WWP2: variants seen among roughly 807,000 people sequenced by gnomAD.
WWP2 encodes NEDD4-like E3 ubiquitin-protein ligase WWP2.
A neutral mutation model predicts 121.0 loss-of-function variants in WWP2; 57 were observed. That is an observed-to-expected ratio of 0.47 (90% CI 0.38 to 0.59). The LOEUF (loss-of-function observed/expected upper bound fraction) is 0.59, where lower values mean the gene tolerates loss of function less well. WWP2 is among the 20% of genes least tolerant of loss of function. The pLI is 0.00. For synonymous variants in WWP2, 449 were observed against 441.3 expected (o/e 1.02, Z -0.22); for missense variants, 962 against 1,158.9 (o/e 0.83, Z 2.47).
chr16:69,841,938 G>T (rs530009447), intron 5 of WWP2, 86 bp from the exon 6 acceptor site: 2 of 1,337,840 alleles, frequency 1.5e-6, no homozygotes, highest in East Asian at 5.0e-5. Flanking sequence ...ACACACAGAC[G>T]GAGTTCTGTT....
chr16:69,778,858 C>T (rs2055598173), intron 1 of WWP2, among the ~76,000 whole-genome samples: 1 of 151,640 alleles, frequency 6.6e-6, no homozygotes. Flanking sequence ...CCAGGCTGGT[C>T]TTGAACTCCT....
chr16:69,931,809 A>G lies in WWP2; in HGVS notation c.1601A>G (p.Asn534Ser). ...GATGCTCTGTCTTCCCAGATCATGA[A>G]CATGAAACCCTATGACCTGCGCCGC... Reference protein sequence around the residue: ...LFEDSFQQIMNMKPYDLRRRL... With the variant: ...LFEDSFQQIMSMKPYDLRRRL... The change falls in exon 16 of 24, where the codon AAC (asparagine) becomes AGC (serine). Residue 534 changes from asparagine to serine, a missense_variant. Physicochemically the swap from Asn to Ser is conservative, Grantham distance 46. Coordinates refer to ENST00000359154, the MANE Select transcript of WWP2 (RefSeq NM_001270454.2). The G allele has an allele frequency of 1.2e-6, 2 of 1,613,718 alleles. No homozygotes were observed. The highest frequency in any genetic ancestry group is 2.2e-5 in the East Asian group (1 of 44,872).
intron 6 of WWP2, among the ~76,000 whole-genome samples, chr16:69,842,828 C>T (rs560280850): frequency 6.6e-6 from 1 of 152,170 alleles, no homozygotes; most frequent in African/African-American, 2.4e-5. Flanking sequence ...TGCCACCATG[C>T]CTGGCTAATT....
At chr16:69,906,217 T>C (rs1343124733) in intron 8 of WWP2, among the ~76,000 whole-genome samples, 2 of 151,936 alleles carry the variant, frequency 1.3e-5, no homozygotes, top group Non-Finnish European at 2.9e-5. Context: ...GGACTACAGG[T>C]GCCTGCCACC....
intron 1 of WWP2, among the ~76,000 whole-genome samples, chr16:69,784,093 T>TTC (rs1438015363): frequency 9.5e-5 from 1 of 10,550 alleles, no homozygotes; most frequent in Non-Finnish European, 4.2e-4. Flanking sequence ...CTTTCTTTCT[T>TTC]TTTTTTTTTT....
At chr16:69,847,609 T>C (rs2057108139) in intron 6 of WWP2, among the ~76,000 whole-genome samples, 1 of 152,000 alleles carries the variant, frequency 6.6e-6, no homozygotes, top group South Asian at 2.1e-4. Context: ...GGTTTCTCCA[T>C]GTTGGTCAGG....
In WWP2 at chr16:69,879,880, G is replaced by A. The variant is rs1350580064; in HGVS notation, c.703+7949G>A. Among the ~76,000 whole-genome samples, 3 of 152,086 alleles carry A rather than the reference G, an allele frequency of 2.0e-5. No individual in the cohort carries two copies. In the East Asian group the frequency reaches 5.8e-4, roughly 29 times the overall value. ...ATTTTATCTTACTTCTGTGAGTATT[G>A]CAGAAAAGGATTTAAGAATTTTAAA... On this transcript the variant is annotated intron_variant, in intron 7 of 23. Coordinates refer to ENST00000359154, the MANE Select transcript of WWP2 (RefSeq NM_001270454.2).
chr16:69,869,799 T>C (rs1227931473), intron 6 of WWP2, among the ~76,000 whole-genome samples: 1 of 152,186 alleles, frequency 6.6e-6, no homozygotes, highest in Non-Finnish European at 1.5e-5. Context: ...CAAATTCTGT[T>C]TCTTACTTTA....
At position 69,880,589 on chromosome 16, in the gene WWP2, A is replaced by T. The variant is rs182741457; in HGVS notation, c.704-7450A>T. On this transcript the variant is annotated intron_variant, in intron 7 of 23. Coordinates refer to ENST00000359154, the MANE Select transcript of WWP2 (RefSeq NM_001270454.2). ...ACACAGTATGGCTTCGTCCATTTTT[A>T]AGTTTTGCTCCTTTTTTCCTCACGT... Among the ~76,000 whole-genome samples the T allele has an allele frequency of 5.0e-3, 762 of 152,232 alleles. 8 individuals are homozygous for T. Among genetic ancestry groups the T allele is most frequent in the Non-Finnish European group, 7.8e-3 (527 of 67,998 alleles).
chr16:69,818,139 G>T (rs1596993436), intron 4 of WWP2, among the ~76,000 whole-genome samples: 1 of 151,874 alleles, frequency 6.6e-6, no homozygotes, highest in East Asian at 1.9e-4. Flanking sequence ...TAGGCAAAGT[G>T]ATTTCTCTTT....
chr16:69,852,357 CCCT>C (rs928036324), intron 6 of WWP2, among the ~76,000 whole-genome samples: 3 of 150,924 alleles, frequency 2.0e-5, no homozygotes, highest in Non-Finnish European at 3.0e-5. Flanking sequence ...GCTTACTGCA[CCCT>C]CCACCTCCTA....
chr16:69,934,239 T>G (rs542225549), intron 17 of WWP2, 110 bp downstream of exon 17: 468 of 1,390,250 alleles, frequency 3.4e-4, no homozygotes, highest in Admixed American at 4.5e-4. Context: ...CTCTGAGACC[T>G]CCAGGAAGGG....
chr16:69,852,851 A>T (rs143613565), intron 6 of WWP2, among the ~76,000 whole-genome samples: 1 of 152,218 alleles, frequency 6.6e-6, no homozygotes, highest in African/African-American at 2.4e-5. Context: ...ATTTATTTTC[A>T]TATTGTCTGT....
intron 6 of WWP2, among the ~76,000 whole-genome samples, chr16:69,868,512 G>A (rs1156955849): frequency 2.0e-5 from 3 of 152,260 alleles, no homozygotes; most frequent in African/African-American, 7.2e-5. Context: ...AGGTCCTGCA[G>A]CTCCCTGAGG....
intron 4 of WWP2, among the ~76,000 whole-genome samples, chr16:69,836,965 T>C (rs1555551896): frequency 6.6e-6 from 1 of 151,062 alleles, no homozygotes. Flanking sequence ...TTTTGGTTGC[T>C]TAGGTTGGAG....
At chr16:69,839,305 A>T (rs1264531143) in intron 4 of WWP2, among the ~76,000 whole-genome samples, 2 of 152,316 alleles carry the variant, frequency 1.3e-5, no homozygotes, top group East Asian at 3.9e-4. Context: ...GCTGGACTGA[A>T]CTGAAGGGAA....
Position 69,925,220 on chromosome 16 carries a change from AG to A in WWP2, c.1180-207del. 7.0e-7 allele frequency: 1 copy of A among 1,424,718 alleles called. No individual in the cohort carries two copies. The highest frequency in any genetic ancestry group is 9.2e-7 in the Non-Finnish European group (1 of 1,090,196). 88.3% of individuals were successfully genotyped at this position (1,424,718 alleles called of 1,614,324 possible). Reference sequence around the variant, plus strand: ...AAACTCACTTGGGCCCTCCGTGCGCAGGGTTCTTTTTTGGTTTTTCTGTAAA... The same window carrying A: ...AAACTCACTTGGGCCCTCCGTGCGCAGGTTCTTTTTTGGTTTTTCTGTAAA... On this transcript the variant is annotated intron_variant, in intron 10 of 23. Transcript: ENST00000359154. The surrounding 1 kb of genome is among the most constrained non-coding windows in gnomAD (Gnocchi z 4.0).
chr16:69,804,689 A>G (rs1175351136), intron 4 of WWP2, among the ~76,000 whole-genome samples: 1 of 152,026 alleles, frequency 6.6e-6, no homozygotes, highest in Non-Finnish European at 1.5e-5. Context: ...TAACAGTTTC[A>G]TCAGATTCTC....
Position 69,939,993 on chromosome 16 carries a change from C to T in WWP2, c.*53C>T, listed in dbSNP as rs992032404. 4.0e-6 allele frequency: 6 copies of T among 1,499,944 alleles called. No individual in the cohort carries two copies. The highest frequency in any genetic ancestry group is 3.8e-5 in the Admixed American group (2 of 52,818). 92.9% of individuals were successfully genotyped at this position (1,499,944 alleles called of 1,614,324 possible). On this transcript the variant is annotated 3_prime_UTR_variant, in exon 24 of 24. Coordinates refer to ENST00000359154, the MANE Select transcript of WWP2 (RefSeq NM_001270454.2). Reference sequence around the variant, plus strand: ...GCGCACATGTAGTCCTGAGTCCTCCCTGCCTGAGAGGCCACTGGCCCCGCA... The same window carrying T: ...GCGCACATGTAGTCCTGAGTCCTCCTTGCCTGAGAGGCCACTGGCCCCGCA...
Sources: allele counts gnomAD v4.1 joint callset (sites outside exome capture counted in the v4.1 genomes callset), GRCh38; gene constraint gnomAD v4.1.1; non-coding constraint Gnocchi (gnomAD v3.1); transcripts MANE v1.5; gene names NCBI Gene and HGNC (gene_info 2026-07-23, HGNC 2026-07-21).